The following SPATA17 variants were observed in gnomAD, a reference collection of about 807,000 sequenced individuals.
SPATA17 encodes spermatogenesis associated 17.
Under a neutral mutation model 62.2 loss-of-function variants are expected in SPATA17, and 53 were observed. The observed-to-expected ratio is 0.85, with a 90% CI of 0.68 to 1.07. The LOEUF (loss-of-function observed/expected upper bound fraction) is 1.07, where lower values mean the gene tolerates loss of function less well. SPATA17 is among the 50% of genes least tolerant of loss of function. SPATA17 has a pLI of 0.00. For synonymous variants in SPATA17, 146 were observed against 146.8 expected (o/e 0.99, Z 0.04); for missense variants, 466 against 425.5 (o/e 1.10, Z -0.84).
intron 5 of SPATA17, among the ~76,000 whole-genome samples, chr1:217,690,006 C>T (rs1019373905): frequency 9.2e-5 from 14 of 151,950 alleles, no homozygotes; most frequent in Admixed American, 3.3e-4. Context: ...CAGGTTCAAG[C>T]GATTCTCCTG....
At chr1:217,858,405 T>A (rs1433723612) in intron 9 of SPATA17, among the ~76,000 whole-genome samples, 1 of 152,212 alleles carries the variant, frequency 6.6e-6, no homozygotes, top group Non-Finnish European at 1.5e-5. Flanking sequence ...ATAGTTTGTC[T>A]TGTTTAATCA....
In SPATA17 at chr1:217,652,491, C is replaced by T. The variant is rs186897665; in HGVS notation, c.240+1313C>T. ...TCAGATGATCTGCCTGCCTCGGCCT[C>T]CCAAAGTGCTGGGATTACAGGTGTG... On this transcript the variant is annotated intron_variant, in intron 3 of 10. Transcript: ENST00000366933. 9.8e-3 allele frequency among the ~76,000 whole-genome samples: 1,499 copies of T among 152,208 alleles called. 16 individuals are homozygous for T. Among genetic ancestry groups the T allele is most frequent in the Admixed American group, 0.026 (403 of 15,290 alleles).
intron 5 of SPATA17, among the ~76,000 whole-genome samples, chr1:217,739,920 A>T (rs1344916006): frequency 6.6e-6 from 1 of 152,100 alleles, no homozygotes; most frequent in African/African-American, 2.4e-5. Flanking sequence ...GAGATTACAC[A>T]CTTGAGTGTT....
At chr1:217,816,425 G>T (rs941531986) in intron 9 of SPATA17, among the ~76,000 whole-genome samples, 4 of 151,320 alleles carry the variant, frequency 2.6e-5, no homozygotes, top group African/African-American at 7.3e-5. Context: ...TAGCACTTAG[G>T]TTTACTAGGT....
At chr1:217,776,955 A>G (rs1179490159) in intron 7 of SPATA17, among the ~76,000 whole-genome samples, 1 of 152,174 alleles carries the variant, frequency 6.6e-6, no homozygotes, top group Non-Finnish European at 1.5e-5. Context: ...GCTAGAAGTG[A>G]CATCCCATCA....
chr1:217,838,224 T>C (rs1049684886), intron 9 of SPATA17, among the ~76,000 whole-genome samples: 2 of 152,072 alleles, frequency 1.3e-5, no homozygotes, highest in African/African-American at 4.8e-5. Context: ...CTGCTCTAGA[T>C]GATATATTTG....
At position 217,870,547 on chromosome 1, in the gene SPATA17, A is replaced by G. The variant is rs190879268; in HGVS notation, c.*3528A>G. The G allele has an allele frequency of 6.6e-6, 1 of 152,168 alleles. No individual in the cohort carries two copies. Among genetic ancestry groups the G allele is most frequent in the African/African-American group, 2.4e-5 (1 of 41,450 alleles). 9.4% of individuals were successfully genotyped at this position (152,168 alleles called of 1,614,324 possible). A position where few individuals can be genotyped will look rare whatever the true frequency, so the allele number is the denominator to read the frequency against. On this transcript the variant is annotated 3_prime_UTR_variant, in exon 11 of 11. Transcript: ENST00000366933. Reference sequence around the variant, plus strand: ...AAACTACTAGACTACATCAACTTATATACTACTTCTTTTCTATATTCTCAA... The same window carrying G: ...AAACTACTAGACTACATCAACTTATGTACTACTTCTTTTCTATATTCTCAA...
intron 1 of SPATA17, among the ~76,000 whole-genome samples, chr1:217,633,504 G>A (rs568798712): frequency 8.8e-6 from 1 of 113,462 alleles, no homozygotes; most frequent in Non-Finnish European, 2.2e-5. Context: ...CCAGCACGTT[G>A]GGAGGCCAGG....
At chr1:217,717,790 GT>G (rs556835776) in intron 5 of SPATA17, among the ~76,000 whole-genome samples, 15 of 152,196 alleles carry the variant, frequency 9.9e-5, no homozygotes, top group Non-Finnish European at 2.1e-4. Context: ...GCAAATTTCT[GT>G]GAGGAACAGA....
rs892505344 is a variant in SPATA17, at chr1:217,870,067, C to G, written c.*3048C>G. The G allele has an allele frequency of 6.6e-6, 1 of 152,008 alleles. No homozygotes were observed. The highest frequency in any genetic ancestry group is 2.4e-5 in the African/African-American group (1 of 41,380). 9.4% of individuals were successfully genotyped at this position (152,008 alleles called of 1,614,324 possible). A position where few individuals can be genotyped will look rare whatever the true frequency, so the allele number is the denominator to read the frequency against. On this transcript the variant is annotated 3_prime_UTR_variant, in exon 11 of 11. Coordinates refer to ENST00000366933, the MANE Select transcript of SPATA17 (RefSeq NM_138796.4). ...TACTTTTGTAAGTTCTTGGTTGTTT[C>G]TAAACTTATAACAAAATAAATAATT... is the stretch of plus-strand genomic sequence containing the variant.
At chr1:217,634,718 C>T (rs989112497) in intron 1 of SPATA17, among the ~76,000 whole-genome samples, 2 of 152,168 alleles carry the variant, frequency 1.3e-5, no homozygotes, top group African/African-American at 4.8e-5. Context: ...CTATTATCAT[C>T]TTTGTTTTAA....
chr1:217,715,883 A>G (rs1263229582), intron 5 of SPATA17, among the ~76,000 whole-genome samples: 4 of 152,216 alleles, frequency 2.6e-5, no homozygotes, highest in Non-Finnish European at 5.9e-5. Context: ...AAATATTTAT[A>G]TCAATATTTG....
chr1:217,658,642 T>C (rs767552566), intron 3 of SPATA17, among the ~76,000 whole-genome samples: 44 of 151,808 alleles, frequency 2.9e-4, no homozygotes, highest in Admixed American at 5.9e-4. Flanking sequence ...CCTGTAGTCC[T>C]AGCTACTCGG....
intron 9 of SPATA17, among the ~76,000 whole-genome samples, chr1:217,856,415 C>A (rs1675786546): frequency 6.6e-6 from 1 of 152,174 alleles, no homozygotes; most frequent in Non-Finnish European, 1.5e-5. Flanking sequence ...TAAAGATAAA[C>A]CTGGATTTCA....
At chr1:217,670,804 AG>A (rs1429026824) in intron 4 of SPATA17, among the ~76,000 whole-genome samples, 1 of 152,008 alleles carries the variant, frequency 6.6e-6, no homozygotes, top group Admixed American at 6.6e-5. Context: ...TACAAAAATT[AG>A]CCGGGCATGG....
intron 3 of SPATA17, among the ~76,000 whole-genome samples, chr1:217,666,721 C>G (rs1336654222): frequency 6.6e-6 from 1 of 152,142 alleles, no homozygotes; most frequent in Admixed American, 6.5e-5. Flanking sequence ...TAATAACTCT[C>G]CCTTCCCTCC....
chr1:217,724,828 C>A (rs1672226271), intron 5 of SPATA17, among the ~76,000 whole-genome samples: 1 of 151,686 alleles, frequency 6.6e-6, no homozygotes, highest in African/African-American at 2.4e-5. Context: ...GTTCTGTTTG[C>A]CTAATTAGTT....
chr1:217,689,032 G>C (rs1671289060), intron 5 of SPATA17, among the ~76,000 whole-genome samples: 1 of 152,090 alleles, frequency 6.6e-6, no homozygotes, highest in East Asian at 1.9e-4. Context: ...TAAGAATATT[G>C]CTTTTTTCTG....
intron 9 of SPATA17, among the ~76,000 whole-genome samples, chr1:217,818,526 TAA>T (rs1674778393): frequency 6.6e-6 from 1 of 152,038 alleles, no homozygotes; most frequent in South Asian, 2.1e-4. Context: ...AATACAATGA[TAA>T]GTGTGTATAT....
Sources: allele counts gnomAD v4.1 joint callset (sites outside exome capture counted in the v4.1 genomes callset), GRCh38; gene constraint gnomAD v4.1.1; transcripts MANE v1.5; gene names NCBI Gene and HGNC (gene_info 2026-07-23, HGNC 2026-07-21).